The following DSE variants were observed in gnomAD, a reference collection of about 807,000 sequenced individuals.
DSE encodes dermatan-sulfate epimerase.
In DSE, 36 loss-of-function variants were observed where a neutral mutation model predicts 84.4. That is an observed-to-expected ratio of 0.43 (90% CI 0.33 to 0.56). DSE has a LOEUF of 0.56. Among genes scored for constraint, DSE ranks in the 20% least tolerant of loss-of-function variants. The pLI is 0.06. For missense variants in DSE, 862 were observed against 1,169.6 expected (o/e 0.74, Z 3.84); for synonymous variants, 410 against 430.1 (o/e 0.95, Z 0.58).
At chr6:116,275,955 T>G (rs1198593031) in intron 2 of DSE, among the ~76,000 whole-genome samples, 1 of 152,232 alleles carries the variant, frequency 6.6e-6, no homozygotes, top group African/African-American at 2.4e-5. Context: ...ATCACTCTGT[T>G]AATTCTTTGT....
At chr6:116,313,513 A>G (rs1306051795) in intron 2 of DSE, among the ~76,000 whole-genome samples, 1 of 152,252 alleles carries the variant, frequency 6.6e-6, no homozygotes, top group Non-Finnish European at 1.5e-5. Flanking sequence ...GATTGGTTAC[A>G]TAATACCTAT....
At chr6:116,319,918 C>T (rs1562227479) in intron 2 of DSE, among the ~76,000 whole-genome samples, 1 of 152,236 alleles carries the variant, frequency 6.6e-6, no homozygotes, top group Non-Finnish European at 1.5e-5. Context: ...CCCCCACCTT[C>T]ACAACTCAGT....
intron 2 of DSE, among the ~76,000 whole-genome samples, chr6:116,261,737 G>C (rs999571856): frequency 6.6e-6 from 1 of 152,190 alleles, no homozygotes; most frequent in Non-Finnish European, 1.5e-5. Context: ...CTGTGGGTTT[G>C]TCATAGATGG....
At position 116,353,227 on chromosome 6, in the gene DSE, CTAACTT is replaced by C. The variant is rs573824477; in HGVS notation, c.-53-45970_-53-45965del. Among the ~76,000 whole-genome samples, 29 of 152,258 alleles carry C rather than the reference CTAACTT, an allele frequency of 1.9e-4. No homozygotes were observed. In the South Asian group the frequency reaches 5.6e-3, roughly 29 times the overall value. ...TTTCCAAATGAACTGATGATGACCT[CTAACTT>C]CTGGTTCATGAGAAGGAACTTTATG... On this transcript the variant is annotated intron_variant, in intron 2 of 3. Transcript: ENST00000430252.
intron 2 of DSE, among the ~76,000 whole-genome samples, chr6:116,299,504 TTATATATATA>T (rs71553739): frequency 3.5e-4 from 4 of 11,512 alleles, no homozygotes; most frequent in East Asian, 9.3e-3. Flanking sequence ...TGAATTATTT[TTATATATATA>T]TATATATATA....
upstream of DSE, chr6:116,370,842 TGACGTTGC>T: frequency 1.0e-6 from 1 of 985,572 alleles, no homozygotes. Context: ...CTGGCTCTGG[TGACGTTGC>T]GGTTTCCTCC....
chr6:116,269,900 A>G (rs956810024), intron 2 of DSE, among the ~76,000 whole-genome samples: 3 of 152,126 alleles, frequency 2.0e-5, no homozygotes, highest in African/African-American at 4.8e-5. Flanking sequence ...CAGTTCATCA[A>G]TATTGGATCA....
intron 1 of DSE, among the ~76,000 whole-genome samples, chr6:116,382,300 A>G (rs886760461): frequency 6.6e-6 from 1 of 152,190 alleles, no homozygotes; most frequent in African/African-American, 2.4e-5. Flanking sequence ...TAACATGGCC[A>G]TGATATGCCA....
At chr6:116,382,071 G>GTGTGTC (rs372457142) in intron 1 of DSE, among the ~76,000 whole-genome samples, 2 of 148,082 alleles carry the variant, frequency 1.4e-5, no homozygotes, top group Non-Finnish European at 3.0e-5. Context: ...GTGTGTGTGT[G>GTGTGTC]TCTCCAAATT....
At chr6:116,269,452 A>G (rs2114611987) in intron 2 of DSE, among the ~76,000 whole-genome samples, 1 of 152,320 alleles carries the variant, frequency 6.6e-6, no homozygotes, top group South Asian at 2.1e-4. Flanking sequence ...TAATTGTATA[A>G]AAGTTGAGAA....
chr6:116,286,194 C>T (rs909126662), intron 2 of DSE, among the ~76,000 whole-genome samples: 4 of 152,080 alleles, frequency 2.6e-5, no homozygotes, highest in African/African-American at 7.2e-5. Flanking sequence ...TCTTTTATTT[C>T]GTTGAGCAGT....
rs181985589 is a variant in DSE at position 116,319,039 on chromosome 6, G to A, written c.-54+60072G>A. On this transcript the variant is annotated intron_variant, in intron 2 of 3. Coordinates refer to the DSE transcript ENST00000430252. ...TCTAGAAATTGAGGGGAATAGGCTA[G>A]GTCATCTCTAAACTCTCTTCAGTTC... 2.2e-3 allele frequency among the ~76,000 whole-genome samples: 330 copies of A among 152,188 alleles called. 3 individuals are homozygous for A. Among genetic ancestry groups the A allele is most frequent in the Admixed American group, 3.3e-3 (50 of 15,288 alleles).
intron 2 of DSE, among the ~76,000 whole-genome samples, chr6:116,358,667 G>A (rs1287951289): frequency 3.9e-5 from 6 of 152,172 alleles, no homozygotes; most frequent in South Asian, 2.1e-4. Flanking sequence ...GAAGAGCTAC[G>A]TGGTCCTTGG....
intron 1 of DSE, among the ~76,000 whole-genome samples, chr6:116,388,794 A>G (rs1274610412): frequency 6.6e-6 from 1 of 152,106 alleles, no homozygotes; most frequent in East Asian, 1.9e-4. Context: ...AGTTAGCTTT[A>G]TCTGTATATA....
chr6:116,367,475 C>T (rs1197331357), upstream of DSE, among the ~76,000 whole-genome samples: 3 of 152,030 alleles, frequency 2.0e-5, no homozygotes, highest in African/African-American at 4.8e-5. Context: ...GAACAGAAGC[C>T]GCATACCTGT....
intron 2 of DSE, among the ~76,000 whole-genome samples, chr6:116,425,236 G>A (rs1252197818): frequency 1.3e-5 from 2 of 152,092 alleles, no homozygotes; most frequent in Non-Finnish European, 2.9e-5. Flanking sequence ...AGATTTCCAT[G>A]TATCCTTACA....
Position 116,437,028 on chromosome 6 carries a change from G to A in DSE, c.2560G>A (p.Glu854Lys). 1 of 1,614,068 alleles carries A rather than the reference G, an allele frequency of 6.2e-7. No individual in the cohort carries two copies. Among genetic ancestry groups the A allele is most frequent in the Non-Finnish European group, 8.5e-7 (1 of 1,179,996 alleles). ...AQKELPIDED[E>K]EMKDLLDFAD... ...GAAAGAACTACCCATAGATGAAGAT[G>A]AAGAAATGAAAGACCTTTTAGATTT... Residue 854 changes from glutamate to lysine, a missense_variant, in exon 6 of 6, where the codon GAA becomes AAA. Glu to Lys is a moderately conservative substitution (Grantham distance 56). Transcript: ENST00000644252.
At chr6:116,366,506 C>A (rs1779171902), upstream of DSE, 1 of 152,156 alleles carries the variant, frequency 6.6e-6, no homozygotes, top group African/African-American at 2.4e-5. Flanking sequence ...ATTCATGTAA[C>A]AAATATCAGT....
intron 2 of DSE, among the ~76,000 whole-genome samples, chr6:116,424,348 A>G (rs945999640): frequency 6.6e-6 from 1 of 152,250 alleles, no homozygotes; most frequent in Non-Finnish European, 1.5e-5. Flanking sequence ...TGGCTAGAGC[A>G]AGGGAGCTTT....
Sources: gnomAD v4.1 joint callset for allele counts (sites outside exome capture counted in the v4.1 genomes callset) on GRCh38, gnomAD v4.1.1 for gene constraint, MANE v1.5 for transcripts, NCBI Gene and HGNC (gene_info 2026-07-23, HGNC 2026-07-21) for gene names.